CSMD1: variants seen among roughly 807,000 people sequenced by gnomAD.
CSMD1 encodes the protein CUB and Sushi multiple domains 1.
Under a neutral mutation model 417.5 loss-of-function variants are expected in CSMD1, and 213 were observed. The observed-to-expected ratio is 0.51, with a 90% confidence interval of 0.46 to 0.57. CSMD1 has a LOEUF of 0.57. CSMD1 is among the 20% of genes least tolerant of loss of function. The pLI, the probability that CSMD1 is intolerant of heterozygous loss-of-function variation, is 0.00. For synonymous variants in CSMD1, 2,862 were observed against 1,736.8 expected, an observed-to-expected ratio of 1.65 and a Z score of -16.11; for missense variants, 6,923 against 4,529.7, an observed-to-expected ratio of 1.53 and a Z score of -15.17.
At chr8:3,712,862 G>T (rs1358072042) in intron 6 of CSMD1, among the ~76,000 whole-genome samples, 2 of 152,108 alleles carry the variant, frequency 1.3e-5, no homozygotes, top group Non-Finnish European at 2.9e-5. Context: ...GGGACCTGGG[G>T]AGATGCTGGT....
chr8:4,461,960 C>T (rs1160068720), intron 2 of CSMD1, among the ~76,000 whole-genome samples: 1 of 152,026 alleles, frequency 6.6e-6, no homozygotes, highest in Non-Finnish European at 1.5e-5. Context: ...CCAGGATGGG[C>T]TCTATCTCCC....
intron 7 of CSMD1, among the ~76,000 whole-genome samples, chr8:3,622,612 G>C (rs753367378): frequency 2.6e-5 from 4 of 152,216 alleles, no homozygotes; most frequent in South Asian, 2.1e-4. Context: ...AAATGATTTA[G>C]ACAAGCCTGA....
At chr8:3,994,903 A>C (rs531260043) in intron 5 of CSMD1, among the ~76,000 whole-genome samples, 28 of 152,258 alleles carry the variant, frequency 1.8e-4, no homozygotes, top group African/African-American at 6.3e-4. Context: ...TTTTTTAAAA[A>C]TAGATTATTG....
chr8:3,685,175 T>C (rs1430226783), intron 7 of CSMD1, among the ~76,000 whole-genome samples: 1 of 152,216 alleles, frequency 6.6e-6, no homozygotes, highest in Non-Finnish European at 1.5e-5. Context: ...AATTGATGGA[T>C]AAAATCAAAT....
intron 2 of CSMD1, among the ~76,000 whole-genome samples, chr8:4,435,483 C>G (rs900436687): frequency 6.6e-6 from 1 of 152,184 alleles, no homozygotes; most frequent in Admixed American, 6.6e-5. Context: ...TTTGGAAGCC[C>G]TGTTATGATA....
intron 3 of CSMD1, among the ~76,000 whole-genome samples, chr8:4,093,402 T>G (rs1800822393): frequency 6.6e-6 from 1 of 152,200 alleles, no homozygotes; most frequent in East Asian, 1.9e-4. Context: ...CCAAATTGTT[T>G]AAAGCCAACA....
chr8:3,871,797 G>T (rs141137793), intron 5 of CSMD1, among the ~76,000 whole-genome samples: 1 of 152,198 alleles, frequency 6.6e-6, no homozygotes, highest in Non-Finnish European at 1.5e-5. Flanking sequence ...AAGAGTTGTT[G>T]ATGTGAATGA....
At chr8:4,084,736 C>A (rs965875424) in intron 3 of CSMD1, among the ~76,000 whole-genome samples, 3 of 145,118 alleles carry the variant, frequency 2.1e-5, no homozygotes, top group Admixed American at 6.8e-5. Context: ...TGCTCTCTTG[C>A]CCACCCCCAC....
chr8:3,567,059 A>T (rs963674250), intron 10 of CSMD1, among the ~76,000 whole-genome samples: 1 of 152,258 alleles, frequency 6.6e-6, no homozygotes, highest in Non-Finnish European at 1.5e-5. Flanking sequence ...GATAAAGAAA[A>T]TTGGTACATG....
At chr8:4,084,419 C>T (rs992178518) in intron 3 of CSMD1, among the ~76,000 whole-genome samples, 1 of 151,892 alleles carries the variant, frequency 6.6e-6, no homozygotes, top group Non-Finnish European at 1.5e-5. Context: ...CTAATTTTAA[C>T]CTCGTTTTCA....
chr8:4,012,343 C>T lies in CSMD1; in HGVS notation c.611-14233G>A, dbSNP rs112296949. Among the ~76,000 whole-genome samples the T allele has an allele frequency of 3.4e-3, 517 of 152,276 alleles. 4 individuals are homozygous for T. The highest frequency in any genetic ancestry group is 0.011 in the African/African-American group (472 of 41,558). On this transcript the variant is annotated intron_variant, in intron 4 of 69. Transcript: ENST00000635120. ...TAGGGTGTCCAAGATTCATTCTCTT[C>T]ACCTCTTCTCTTCCTAAATACATTC...
chr8:3,847,233 G>A (rs1011362733), intron 5 of CSMD1, among the ~76,000 whole-genome samples: 2 of 152,156 alleles, frequency 1.3e-5, no homozygotes, highest in African/African-American at 4.8e-5. Flanking sequence ...CAAAGGTGAA[G>A]ACATTTTGCA....
At position 3,931,994 on chromosome 8, in the gene CSMD1, G is replaced by C. The variant is rs924837205; in HGVS notation, c.818+65909C>G. Among the ~76,000 whole-genome samples, 4 of 149,754 alleles carry C rather than the reference G, an allele frequency of 2.7e-5. No homozygotes were observed. In the East Asian group the frequency reaches 5.9e-4, roughly 22 times the overall value. Reference sequence around the variant, plus strand: ...TTAAAATAGTATTGATTTAGATGTAGAAATGGGGGAAAGGAGAAAACAATA... The same window carrying C: ...TTAAAATAGTATTGATTTAGATGTACAAATGGGGGAAAGGAGAAAACAATA... On this transcript the variant is annotated intron_variant, in intron 5 of 69. Coordinates refer to ENST00000635120, the MANE Select transcript of CSMD1 (RefSeq NM_033225.6).
chr8:2,952,010 T>C (rs999939356), intron 65 of CSMD1, among the ~76,000 whole-genome samples: 1 of 152,208 alleles, frequency 6.6e-6, no homozygotes, highest in African/African-American at 2.4e-5. Flanking sequence ...ACAAAGATTA[T>C]TGAGATATTT....
chr8:4,041,379 A>G (rs1009487647), intron 3 of CSMD1, among the ~76,000 whole-genome samples: 1 of 152,170 alleles, frequency 6.6e-6, no homozygotes, highest in African/African-American at 2.4e-5. Context: ...CAAAACTATG[A>G]CAAGAATTGT....
intron 1 of CSMD1, among the ~76,000 whole-genome samples, chr8:4,667,800 AATAAAG>A (rs1805032910): frequency 6.6e-6 from 1 of 152,228 alleles, no homozygotes; most frequent in Non-Finnish European, 1.5e-5. Flanking sequence ...GTCCTTTGTG[AATAAAG>A]ATAATCTTAT....
At chr8:3,414,075 G>A (rs1006375686) in intron 12 of CSMD1, among the ~76,000 whole-genome samples, 20 of 150,210 alleles carry the variant, frequency 1.3e-4, no homozygotes, top group Admixed American at 1.1e-3. Flanking sequence ...GGAGGTGGAC[G>A]TTGCAGTGAG....
intron 2 of CSMD1, among the ~76,000 whole-genome samples, chr8:4,482,772 G>C (rs995581531): frequency 6.6e-6 from 1 of 151,960 alleles, no homozygotes; most frequent in Admixed American, 6.6e-5. Flanking sequence ...TTTTTGACTT[G>C]TTTAAAATAG....
chr8:3,577,209 G>T (rs1339096542), intron 9 of CSMD1, among the ~76,000 whole-genome samples: 1 of 151,512 alleles, frequency 6.6e-6, no homozygotes, highest in Non-Finnish European at 1.5e-5. Flanking sequence ...ATGAAAATTG[G>T]CTACCAGCAT....
Sources: gnomAD v4.1 joint callset for allele counts (sites outside exome capture counted in the v4.1 genomes callset) on GRCh38, gnomAD v4.1.1 for gene constraint, MANE v1.5 for transcripts, NCBI Gene and HGNC (gene_info 2026-07-23, HGNC 2026-07-21) for gene names.